QSER1: variants seen among roughly 807,000 people sequenced by gnomAD.
The protein encoded by QSER1 is glutamine and serine rich 1.
QSER1 carries 49 observed loss-of-function variants against 158.5 expected under a neutral mutation model. The ratio of observed to expected loss-of-function variants is 0.31; its 90% CI spans 0.25 to 0.39. The LOEUF is 0.39. QSER1 is among the 10% of genes least tolerant of loss of function. QSER1 has a pLI of 1.00. For missense variants in QSER1, 1,754 were observed against 2,010.3 expected (o/e 0.87, Z 2.44); for synonymous variants, 650 against 715.5 (o/e 0.91, Z 1.46).
At chr11:32,975,652 G>A in intron 12 of QSER1, 1 of 1,190,014 alleles carries the variant, frequency 8.4e-7, no homozygotes, top group Non-Finnish European at 1.1e-6. Context: ...CACAGTGTAT[G>A]ATGATCTTGC....
In QSER1 at chr11:32,932,896, G is replaced by T; in HGVS notation, c.1638G>T (p.Leu546=). Residue 546 remains leucine, a synonymous_variant, in exon 4 of 13, where the codon CTG becomes CTT. Coordinates refer to ENST00000650167, the MANE Select transcript of QSER1 (RefSeq NM_001076786.3). ...NENYPAQTRD[L]SSVSQSQSYS... ...ATTACCCTGCTCAAACAAGAGATCTGTCTTCAGTAAGTCAGTCTCAAAGTT... is the reference window on the plus strand; with the variant it reads ...ATTACCCTGCTCAAACAAGAGATCTTTCTTCAGTAAGTCAGTCTCAAAGTT... 1 of 1,614,034 alleles carries T rather than the reference G, an allele frequency of 6.2e-7. No individual in the cohort carries two copies. The highest frequency in any genetic ancestry group is 2.2e-5 in the East Asian group (1 of 44,880).
intron 12 of QSER1, 22 bp from the exon 13 acceptor site, chr11:32,976,312 T>A: frequency 6.4e-7 from 1 of 1,569,846 alleles, no homozygotes. Context: ...TATAAGCTAA[T>A]TTGGCGATTT....
At chr11:32,902,893 T>G (rs1851643414) in intron 1 of QSER1, among the ~76,000 whole-genome samples, 1 of 152,336 alleles carries the variant, frequency 6.6e-6, no homozygotes, top group South Asian at 2.1e-4. Context: ...AAAGAGAGAT[T>G]TATTAATTTG....
At chr11:32,919,839 G>A (rs986430441) in intron 1 of QSER1, among the ~76,000 whole-genome samples, 1 of 152,072 alleles carries the variant, frequency 6.6e-6, no homozygotes, top group African/African-American at 2.4e-5. Context: ...TTTATACTTC[G>A]GGTTACAAGC....
chr11:32,900,805 G>A (rs1851615177), intron 1 of QSER1, among the ~76,000 whole-genome samples: 1 of 152,142 alleles, frequency 6.6e-6, no homozygotes, highest in Non-Finnish European at 1.5e-5. Flanking sequence ...CTGATTGTTA[G>A]GTCTTTCCCC....
intron 1 of QSER1, among the ~76,000 whole-genome samples, chr11:32,899,570 C>A (rs1392674027): frequency 6.6e-6 from 1 of 152,072 alleles, no homozygotes; most frequent in Non-Finnish European, 1.5e-5. Flanking sequence ...CTTGAGAAAT[C>A]AAGTGACAAG....
intron 1 of QSER1, among the ~76,000 whole-genome samples, chr11:32,900,609 T>G (rs1048869858): frequency 1.3e-5 from 2 of 152,042 alleles, no homozygotes; most frequent in African/African-American, 4.8e-5. Context: ...CCCTGCATGA[T>G]CTAAGCCTCA....
At chr11:32,953,023 A>T (rs1389062008) in intron 4 of QSER1, among the ~76,000 whole-genome samples, 1 of 151,858 alleles carries the variant, frequency 6.6e-6, no homozygotes. Flanking sequence ...GGCTGGTCTC[A>T]AACTCCTGAC....
At chr11:32,898,482 TCACACACACACACACACACACACACA>T (rs71034630) in intron 1 of QSER1, among the ~76,000 whole-genome samples, 6 of 142,948 alleles carry the variant, frequency 4.2e-5, no homozygotes, top group African/African-American at 1.0e-4. Context: ...TGAGAACCTG[TCACACACACACACACACACACACACA>T]CACACACACA....
Position 32,932,740 on chromosome 11 carries a change from G to A in QSER1, c.1482G>A (p.Lys494=), listed in dbSNP as rs758611478. 46 of 1,613,982 alleles carry A rather than the reference G, an allele frequency of 2.9e-5. No homozygotes were observed. Among genetic ancestry groups the A allele is most frequent in the Admixed American group, 6.7e-5 (4 of 59,984 alleles). ...IVHSQVYRSS[K]VEKLPPLYKT... ...ATTCACAGGTTTATAGGTCCAGCAA[G>A]GTTGAGAAATTGCCACCCTTGTATA... Residue 494 remains lysine (K), a synonymous_variant, in exon 4 of 13, where the codon AAG becomes AAA. Transcript: ENST00000650167.
Position 32,976,610 on chromosome 11 carries a change from G to GTC in QSER1, c.*136_*137insTC. The GTC allele has an allele frequency of 1.1e-6, 1 of 936,450 alleles. No individual in the cohort carries two copies. Among genetic ancestry groups the GTC allele is most frequent in the Non-Finnish European group, 1.6e-6 (1 of 610,940 alleles). 58.0% of individuals were successfully genotyped at this position (936,450 alleles called of 1,614,324 possible). A position where few individuals can be genotyped will look rare whatever the true frequency, so the allele number is the denominator to read the frequency against. On this transcript the variant is annotated 3_prime_UTR_variant, in exon 13 of 13. Coordinates refer to ENST00000650167, the MANE Select transcript of QSER1 (RefSeq NM_001076786.3). ...TCATGGAACTGTCATTACCACCTCT[G>GTC]CTGAAGGACAGTGGTGCGGCCTTTA...
intron 8 of QSER1, among the ~76,000 whole-genome samples, chr11:32,963,514 G>C (rs1161569388): frequency 5.3e-5 from 8 of 151,948 alleles, no homozygotes; most frequent in Admixed American, 5.2e-4. Context: ...ATCATGCCTG[G>C]CTACTTTTTT....
chr11:32,930,990 G>A (rs1852037444), intron 3 of QSER1, among the ~76,000 whole-genome samples: 1 of 152,066 alleles, frequency 6.6e-6, no homozygotes, highest in South Asian at 2.1e-4. Context: ...AAATGCAAGA[G>A]ATTTTTAAAG....
intron 1 of QSER1, among the ~76,000 whole-genome samples, chr11:32,907,917 T>C (rs1274210488): frequency 6.6e-6 from 1 of 152,084 alleles, no homozygotes; most frequent in African/African-American, 2.4e-5. Flanking sequence ...TTGGGCAACA[T>C]AGGGAGACCC....
intron 10 of QSER1, among the ~76,000 whole-genome samples, chr11:32,970,199 C>T (rs189589293): frequency 2.1e-3 from 327 of 152,198 alleles, no homozygotes; most frequent in Non-Finnish European, 3.9e-3. Context: ...TTTATGTGAA[C>T]TCCATGTAAA....
chr11:32,955,391 A>G lies in QSER1; in HGVS notation c.4596A>G (p.Arg1532=), dbSNP rs1194028451. The G allele has an allele frequency of 6.3e-7, 1 of 1,582,820 alleles. No homozygotes were observed. The highest frequency in any genetic ancestry group is 1.1e-5 in the South Asian group (1 of 87,056). The change falls in exon 6 of 13, where the codon AGA becomes AGG. Residue 1532 remains arginine, a synonymous_variant. Transcript: ENST00000650167. ...KFVPEIRDGQ[R]EFAATNSYLG... is the part of the protein sequence containing the mutation. ...TTCCTGAAATTCGAGATGGTCAAAGAGAATTTGCTGCTACAAATAGTGTAA... is the reference window on the plus strand; with the variant it reads ...TTCCTGAAATTCGAGATGGTCAAAGGGAATTTGCTGCTACAAATAGTGTAA...
chr11:32,934,777 A>G lies in QSER1; in HGVS notation c.3519A>G (p.Ala1173=), dbSNP rs775235229. 4 of 1,614,092 alleles carry G rather than the reference A, an allele frequency of 2.5e-6. No individual in the cohort carries two copies. In the South Asian group the frequency reaches 3.3e-5, roughly 13 times the overall value. ...TGAACCCAGCTAGGAGTGCACTTGC[A>G]CTGTTGGCCATGGCCCAATCTGGGG... ...VSMNPARSAL[A]LLAMAQSGDA... is the part of the protein sequence containing the mutation. Residue 1173 remains alanine (A), a synonymous_variant, in exon 4 of 13, where the codon GCA becomes GCG. Transcript: ENST00000650167.
intron 8 of QSER1, 137 bp downstream of exon 8, chr11:32,958,223 A>G: frequency 2.6e-6 from 2 of 755,316 alleles, no homozygotes; most frequent in Non-Finnish European, 2.1e-6. Context: ...TTAGGTTTTT[A>G]TGAAAGTAAG....
Position 32,934,816 on chromosome 11 carries a change from C to A in QSER1, c.3558C>A (p.Val1186=), listed in dbSNP as rs755435373. ...CCCAATCTGGGGATGCAGTCAGTGT[C>A]AAGATTGAAGAAGAAAACCAAGATT... The part of the protein sequence containing the change: ...AMAQSGDAVS[V]KIEEENQDLM... Residue 1186 remains valine, a synonymous_variant, in exon 4 of 13, where the codon GTC becomes GTA. Coordinates refer to ENST00000650167, the MANE Select transcript of QSER1 (RefSeq NM_001076786.3). 2 of 1,613,884 alleles carry A rather than the reference C, an allele frequency of 1.2e-6. No homozygotes were observed. Among genetic ancestry groups the A allele is most frequent in the Admixed American group, 1.7e-5 (1 of 59,958 alleles).
Sources: gnomAD v4.1 joint callset for allele counts (sites outside exome capture counted in the v4.1 genomes callset) on GRCh38, gnomAD v4.1.1 for gene constraint, MANE v1.5 for transcripts, NCBI Gene and HGNC (gene_info 2026-07-23, HGNC 2026-07-21) for gene names.